MYO5B: variants seen among roughly 807,000 people sequenced by gnomAD.
MYO5B encodes the protein unconventional myosin-Vb.
A neutral mutation model predicts 229.3 loss-of-function variants in MYO5B; 143 were observed. The ratio of observed to expected loss-of-function variants is 0.62; its 90% confidence interval spans 0.54 to 0.72. The LOEUF is 0.72. Among genes scored for constraint, MYO5B ranks in the 30% least tolerant of loss-of-function variants. The pLI is 0.00. For synonymous variants in MYO5B, 918 were observed against 885.2 expected (o/e 1.04, Z -0.66); for missense variants, 2,321 against 2,331.0 (o/e 1.00, Z 0.09).
intron 23 of MYO5B, among the ~76,000 whole-genome samples, chr18:49,879,878 C>T (rs984315514): frequency 4.6e-5 from 7 of 152,186 alleles, no homozygotes; most frequent in Non-Finnish European, 1.0e-4. Flanking sequence ...ACAGATGACC[C>T]ACTGGGTAGA....
chr18:50,175,125 T>A (rs1405077977), intron 1 of MYO5B, among the ~76,000 whole-genome samples: 1 of 152,202 alleles, frequency 6.6e-6, no homozygotes, highest in Admixed American at 6.5e-5. Flanking sequence ...CCATGTCCCC[T>A]CAGTAGCCAT....
rs143781156 is a variant in MYO5B, at chr18:50,114,605, A to G, written c.28-59227T>C. Among the ~76,000 whole-genome samples, 25 of 152,354 alleles carry G rather than the reference A, an allele frequency of 1.6e-4. 1 individual carries two copies. In the East Asian group the frequency reaches 3.5e-3, roughly 21 times the overall value. ...AGACATTTGTCTGAGCTGGGCAAGC[A>G]TGTTAAGTGTCAGCTGACTCCGTCA... On this transcript the variant is annotated intron_variant, in intron 1 of 39. Coordinates refer to ENST00000285039, the MANE Select transcript of MYO5B (RefSeq NM_001080467.3).
At chr18:49,852,598 G>A (rs935661467) in intron 31 of MYO5B, among the ~76,000 whole-genome samples, 9 of 152,078 alleles carry the variant, frequency 5.9e-5, no homozygotes, top group Admixed American at 4.6e-4. Context: ...GATGCACTAC[G>A]GGCACATGAA....
At chr18:49,916,557 C>T (rs2025016427) in intron 17 of MYO5B, among the ~76,000 whole-genome samples, 1 of 152,240 alleles carries the variant, frequency 6.6e-6, no homozygotes, top group African/African-American at 2.4e-5. Flanking sequence ...CTCCCTTCCC[C>T]TTTTCTCACA....
chr18:50,052,410 A>G (rs1226617709), intron 2 of MYO5B, among the ~76,000 whole-genome samples: 3 of 149,342 alleles, frequency 2.0e-5, no homozygotes, highest in Non-Finnish European at 4.4e-5. Flanking sequence ...TTGTAGGGAC[A>G]TGGATGAAAT....
At chr18:50,128,963 T>G (rs1257628710) in intron 1 of MYO5B, among the ~76,000 whole-genome samples, 1 of 152,196 alleles carries the variant, frequency 6.6e-6, no homozygotes, top group Non-Finnish European at 1.5e-5. Context: ...GAGGATCACC[T>G]TCACAAAACA....
intron 13 of MYO5B, among the ~76,000 whole-genome samples, chr18:49,954,040 G>A (rs1405410911): frequency 1.4e-5 from 2 of 147,420 alleles, no homozygotes; most frequent in East Asian, 2.0e-4. Context: ...GTGTGTGTGT[G>A]TGTGTGTGTG....
intron 1 of MYO5B, among the ~76,000 whole-genome samples, chr18:50,119,798 T>G (rs931463612): frequency 1.3e-5 from 2 of 152,130 alleles, no homozygotes; most frequent in African/African-American, 4.8e-5. Flanking sequence ...CAAAGAAAAT[T>G]TTTAAAGAAA....
At chr18:50,023,403 C>A (rs1379495100) in intron 4 of MYO5B, among the ~76,000 whole-genome samples, 1 of 152,098 alleles carries the variant, frequency 6.6e-6, no homozygotes, top group African/African-American at 2.4e-5. Flanking sequence ...ACGGAAAGCA[C>A]TGGACTATTT....
intron 29 of MYO5B, among the ~76,000 whole-genome samples, chr18:49,862,991 C>A (rs185451807): frequency 6.6e-6 from 1 of 151,690 alleles, no homozygotes; most frequent in Non-Finnish European, 1.5e-5. Flanking sequence ...AGGGAAGCTC[C>A]TTTTTCCTAA....
At chr18:49,901,788 G>A (rs907825480) in intron 21 of MYO5B, among the ~76,000 whole-genome samples, 2 of 152,362 alleles carry the variant, frequency 1.3e-5, no homozygotes, top group East Asian at 1.9e-4. Flanking sequence ...GACAGCTGGG[G>A]TTCAAACCTC....
intron 1 of MYO5B, among the ~76,000 whole-genome samples, chr18:50,187,233 C>T (rs1293080437): frequency 6.6e-6 from 1 of 152,186 alleles, no homozygotes; most frequent in Non-Finnish European, 1.5e-5. Flanking sequence ...GTAATTTCTA[C>T]ATAACTACAA....
chr18:50,047,638 C>A (rs1252237324), intron 2 of MYO5B, among the ~76,000 whole-genome samples: 2 of 152,060 alleles, frequency 1.3e-5, no homozygotes, highest in Non-Finnish European at 2.9e-5. Context: ...GACACATGCA[C>A]ACGTATGTTT....
At chr18:49,914,439 C>T in intron 17 of MYO5B, among the ~76,000 whole-genome samples, 1 of 152,108 alleles carries the variant, frequency 6.6e-6, no homozygotes, top group East Asian at 1.9e-4. Context: ...TCCTGGAGCA[C>T]TTCTGCCTTT....
rs769744221 is a variant in MYO5B at position 50,001,259 on chromosome 18, A to G, written c.608T>C (p.Met203Thr). ...AGGACACCTAGAAGGCTTTACCTCC[A>G]TGATGGGACTGGATGCCAGCACCTT... ...EEKVLASSPI[M>T]EAIGNAKTTR... is the part of the protein sequence containing the mutation. The change falls in exon 5 of 40, where the codon ATG becomes ACG. Residue 203 changes from methionine to threonine, a missense_variant. Transcript: ENST00000285039. 4.3e-6 allele frequency: 7 copies of G among 1,614,056 alleles called. No individual in the cohort carries two copies. In the African/African-American group the frequency reaches 6.7e-5, roughly 15 times the overall value.
At chr18:49,920,789 A>G (rs1487800578) in intron 17 of MYO5B, among the ~76,000 whole-genome samples, 1 of 152,118 alleles carries the variant, frequency 6.6e-6, no homozygotes, top group Non-Finnish European at 1.5e-5. Flanking sequence ...GATGTTCAGG[A>G]CTCAGTCTCA....
intron 32 of MYO5B, 79 bp downstream of exon 32, chr18:49,849,488 G>A: frequency 4.1e-6 from 4 of 982,898 alleles, no homozygotes; most frequent in South Asian, 2.5e-5. Context: ...TGTGCAGAGG[G>A]CAGGCAGACA....
At chr18:50,167,500 T>C (rs1181472557) in intron 1 of MYO5B, among the ~76,000 whole-genome samples, 1 of 152,192 alleles carries the variant, frequency 6.6e-6, no homozygotes, top group Non-Finnish European at 1.5e-5. Context: ...TGATCAACTG[T>C]CCCAACCTCT....
At chr18:50,074,265 T>C (rs760561043) in intron 1 of MYO5B, among the ~76,000 whole-genome samples, 1 of 152,194 alleles carries the variant, frequency 6.6e-6, no homozygotes, top group Non-Finnish European at 1.5e-5. Flanking sequence ...CCAGCCCCCA[T>C]GCTCAATTAC....
Sources: allele counts gnomAD v4.1 joint callset (sites outside exome capture counted in the v4.1 genomes callset), GRCh38; gene constraint gnomAD v4.1.1; transcripts MANE v1.5; gene names NCBI Gene and HGNC (gene_info 2026-07-23, HGNC 2026-07-21).